EIF4G1: variants seen among roughly 807,000 people sequenced by gnomAD.
EIF4G1 encodes eukaryotic translation initiation factor 4 gamma 1.
In EIF4G1, 4 loss-of-function variants were observed where a neutral mutation model predicts 187.8. The observed-to-expected ratio is 0.02, with a 90% CI of 0.01 to 0.05. EIF4G1 has a LOEUF of 0.05. Ranked by LOEUF, EIF4G1 falls within the 10% of genes least tolerant of loss-of-function variation. The probability of loss-of-function intolerance (pLI) is 1.00; values close to 1 mark genes in which losing one functional copy is unlikely to be tolerated. For missense variants in EIF4G1, 1,647 were observed against 2,081.1 expected (o/e 0.79, Z 4.06); for synonymous variants, 844 against 781.4 (o/e 1.08, Z -1.34).
At chr3:184,330,793 G>A (rs774934494) in intron 28 of EIF4G1, among the ~76,000 whole-genome samples, 16 of 152,030 alleles carry the variant, frequency 1.1e-4, no homozygotes, top group Non-Finnish European at 2.1e-4. Context: ...CCAGGCTGGA[G>A]TGCAGTGGCG....
Position 184,323,683 on chromosome 3 carries a change from A to G in EIF4G1, c.2274+90A>G. 2 of 1,609,800 alleles carry G rather than the reference A, an allele frequency of 1.2e-6. No homozygotes were observed. The highest frequency in any genetic ancestry group is 1.1e-5 in the South Asian group (1 of 90,796). ...TTTGCTTCTTTTTGTCCTTATCACTAGCATCTGTCATGCCTAAGTCCCCAC... is the reference window on the plus strand; with the variant it reads ...TTTGCTTCTTTTTGTCCTTATCACTGGCATCTGTCATGCCTAAGTCCCCAC... On this transcript the variant is annotated intron_variant, in intron 15 of 32. Transcript: ENST00000346169. The surrounding 1 kb of genome is among the most constrained non-coding windows in gnomAD (Gnocchi z 6.9).
At position 184,331,437 on chromosome 3, in the gene EIF4G1, C is replaced by T. The variant is rs148779251; in HGVS notation, c.4261-35C>T. The T allele has an allele frequency of 1.4e-5, 22 of 1,614,182 alleles. No homozygotes were observed. In the African/African-American group the frequency reaches 2.1e-4, roughly 16 times the overall value. On this transcript the variant is annotated intron_variant, in intron 29 of 32. Transcript: ENST00000346169. The stretch of plus-strand genomic sequence containing the variant: ...CTTCTTTCTTGTCTCCTGTTGGCAA[C>T]CTTACCTCTTAACTGCGGGCCTTTT...
At position 184,331,522 on chromosome 3, in the gene EIF4G1, A is replaced by T; in HGVS notation, c.4311A>T (p.Ala1437=). ...GEESEAPGQR[A]LPSEELNRQL... The stretch of plus-strand genomic sequence containing the variant: ...AGTCGGAAGCCCCTGGCCAGAGGGC[A>T]CTCCCCTCCGAGGAGCTGAACAGGC... The change falls in exon 30 of 33, where the codon GCA becomes GCT. Residue 1437 remains alanine (A), a synonymous_variant. Transcript: ENST00000346169. 1 of 1,613,948 alleles carries T rather than the reference A, an allele frequency of 6.2e-7. No homozygotes were observed. The highest frequency in any genetic ancestry group is 8.5e-7 in the Non-Finnish European group (1 of 1,180,004).
rs1722608636 is a variant in EIF4G1, at chr3:184,315,516, C to T, written c.-64C>T. On this transcript the variant is annotated 5_prime_UTR_variant, in exon 2 of 33. Transcript: ENST00000346169. The stretch of plus-strand genomic sequence containing the variant: ...CCTCGGATGCCCAGAACCTGTAGGC[C>T]GCACCGTGGACTTGTTCTTAATCGA... 5.7e-6 allele frequency: 4 copies of T among 706,556 alleles called. No individual in the cohort carries two copies. Among genetic ancestry groups the T allele is most frequent in the Non-Finnish European group, 1.1e-5 (4 of 380,100 alleles). The allele number at this position is 706,556 out of a possible 1,614,324, so 43.8% of individuals were successfully genotyped here.
intron 30 of EIF4G1, 46 bp from the exon 31 acceptor site, chr3:184,331,682 A>G: frequency 1.2e-6 from 2 of 1,614,018 alleles, no homozygotes; most frequent in Non-Finnish European, 1.7e-6. Flanking sequence ...ATGAAGACTG[A>G]AGGGCCCAAT....
Position 184,321,433 on chromosome 3 carries a change from C to G in EIF4G1, c.849C>G (p.Leu283=), listed in dbSNP as rs530344643. The change falls in exon 10 of 33, where the codon CTC becomes CTG. Residue 283 remains leucine (L), a synonymous_variant. Coordinates refer to ENST00000346169, the MANE Select transcript of EIF4G1 (RefSeq NM_198241.3). ...EPGSEPNLAV[L]SIPGDTMTTI... Reference sequence around the variant, plus strand: ...GGTCTGAGCCTAATCTCGCAGTCCTCTCTATTCCTGGGGACACTATGACAA... The same window carrying G: ...GGTCTGAGCCTAATCTCGCAGTCCTGTCTATTCCTGGGGACACTATGACAA... The G allele has an allele frequency of 1.4e-5, 22 of 1,614,052 alleles. No homozygotes were observed. The highest frequency in any genetic ancestry group is 1.2e-5 in the Non-Finnish European group (14 of 1,180,040).
chr3:184,319,039 A>G (rs570829240), intron 6 of EIF4G1, among the ~76,000 whole-genome samples: 1 of 151,450 alleles, frequency 6.6e-6, no homozygotes, highest in South Asian at 2.1e-4. Context: ...GTGCCACTGT[A>G]TTCCAGCCTG....
Position 184,319,683 on chromosome 3 carries a change from C to A in EIF4G1, c.425-6C>A. 6.4e-7 allele frequency: 1 copy of A among 1,570,866 alleles called. No individual in the cohort carries two copies. ...CACCATTCTTCTCCGTCCCCCCTCC[C>A]CCAAGCTGGCGCCTACTATCCAGCC... On this transcript the variant is annotated splice_region_variant and splice_polypyrimidine_tract_variant and intron_variant, in intron 6 of 32. Coordinates refer to ENST00000346169, the MANE Select transcript of EIF4G1 (RefSeq NM_198241.3).
At chr3:184,318,857 A>T (rs540644439) in intron 6 of EIF4G1, among the ~76,000 whole-genome samples, 2 of 152,054 alleles carry the variant, frequency 1.3e-5, no homozygotes, top group Admixed American at 6.5e-5. Flanking sequence ...CACCTGCCTC[A>T]GCCTCCCAAA....
At chr3:184,319,519 C>A in intron 6 of EIF4G1, 170 bp from the exon 7 acceptor site, 1 of 609,378 alleles carries the variant, frequency 1.6e-6, no homozygotes. Flanking sequence ...AGACTGGTTC[C>A]CCAGCTTTGA....
In EIF4G1 at chr3:184,324,865, C is replaced by T. The variant is rs1397562414; in HGVS notation, c.2620-13C>T. 1.2e-6 allele frequency: 2 copies of T among 1,612,506 alleles called. No individual in the cohort carries two copies. Among genetic ancestry groups the T allele is most frequent in the Non-Finnish European group, 1.7e-6 (2 of 1,179,684 alleles). On this transcript the variant is annotated splice_polypyrimidine_tract_variant and intron_variant, in intron 17 of 32. Coordinates refer to ENST00000346169, the MANE Select transcript of EIF4G1 (RefSeq NM_198241.3). Reference sequence around the variant, plus strand: ...TTATCTTTTTGACACAATCCCTGTCCTGTGAATGGCAGGCAGAGGAACGAG... The same window carrying T: ...TTATCTTTTTGACACAATCCCTGTCTTGTGAATGGCAGGCAGAGGAACGAG...
In EIF4G1 at chr3:184,317,769, C is replaced by G; in HGVS notation, c.377C>G (p.Ala126Gly). The G allele has an allele frequency of 1.9e-6, 3 of 1,614,152 alleles. No individual in the cohort carries two copies. The South Asian group carries it at 3.3e-5, about 18-fold the overall frequency. Residue 126 changes from alanine (A) to glycine (G), a missense_variant, in exon 6 of 33, where the codon GCC becomes GGC. By Grantham distance (60) the Ala-to-Gly change is moderately conservative (BLOSUM62 0). This residue lies in a region of EIF4G1 where 139 missense variants were observed against 187.3 expected (regional missense o/e 0.74). Coordinates refer to ENST00000346169, the MANE Select transcript of EIF4G1 (RefSeq NM_198241.3). ...CAGCAGTACCCTGTGCAGCCAGGAGCCCCAGGCTTCTATCCAGGTGCAAGC... is the reference window on the plus strand; with the variant it reads ...CAGCAGTACCCTGTGCAGCCAGGAGGCCCAGGCTTCTATCCAGGTGCAAGC... Reference protein sequence around the residue: ...PTQQYPVQPGAPGFYPGASPT... With the variant: ...PTQQYPVQPGGPGFYPGASPT...
At position 184,327,936 on chromosome 3, in the gene EIF4G1, A is replaced by G; in HGVS notation, c.3887A>G (p.His1296Arg). The stretch of plus-strand genomic sequence containing the variant: ...GAGCGCAGTGCCATTGCTCGTGAGC[A>G]TATGGGGCAGCTGCTGCACCAGCTG... Reference protein sequence around the residue: ...TLERSAIAREHMGQLLHQLLC... With the variant: ...TLERSAIARERMGQLLHQLLC... Residue 1296 changes from histidine to arginine, a missense_variant, in exon 26 of 33, where the codon CAT becomes CGT. Transcript: ENST00000346169. The G allele has an allele frequency of 2.5e-6, 4 of 1,612,514 alleles. No homozygotes were observed. The highest frequency in any genetic ancestry group is 1.3e-5 in the African/African-American group (1 of 75,064).
At chr3:184,329,314 C>T (rs111967660) in intron 28 of EIF4G1, among the ~76,000 whole-genome samples, 1 of 152,098 alleles carries the variant, frequency 6.6e-6, no homozygotes, top group African/African-American at 2.4e-5. Flanking sequence ...ATGAATAAAA[C>T]ACAAGAAACA....
chr3:184,325,783 G>T lies in EIF4G1; in HGVS notation c.3122-68G>T, dbSNP rs1724771729. The stretch of plus-strand genomic sequence containing the variant: ...GAGGATCTGAGGAAGGGAGGCTGGG[G>T]GTGGCCCAAGGGGAAGGGGCTGCTA... On this transcript the variant is annotated intron_variant, in intron 20 of 32. Transcript: ENST00000346169. This position sits in a 1 kb window ranked among gnomAD's most constrained non-coding sequence, Gnocchi z 5.2. 3 of 1,611,554 alleles carry T rather than the reference G, an allele frequency of 1.9e-6. No homozygotes were observed. The highest frequency in any genetic ancestry group is 1.3e-5 in the African/African-American group (1 of 74,874).
Position 184,315,604 on chromosome 3 carries a change from C to T in EIF4G1, c.-35+59C>T, listed in dbSNP as rs567653489. On this transcript the variant is annotated intron_variant, in intron 2 of 32. Coordinates refer to ENST00000346169, the MANE Select transcript of EIF4G1 (RefSeq NM_198241.3). ...TTGGTTGGAAGTGATGCGGGTTTGA[C>T]AGCATGTTGGTGGGGACAGGCTGTA... 1.4e-5 allele frequency: 11 copies of T among 771,536 alleles called. No individual in the cohort carries two copies. In the African/African-American group the frequency reaches 1.7e-4, roughly 12 times the overall value. 47.8% of individuals were successfully genotyped at this position (771,536 alleles called of 1,614,324 possible). A position where few individuals can be genotyped will look rare whatever the true frequency, so the allele number is the denominator to read the frequency against.
chr3:184,331,852 CAG>C (rs756528305), intron 31 of EIF4G1, 43 bp downstream of exon 31: 1 of 1,614,056 alleles, frequency 6.2e-7, no homozygotes, highest in Non-Finnish European at 8.5e-7. Context: ...GTGGGCCTGA[CAG>C]ACAAGTGGAG....
chr3:184,321,075 C>A lies in EIF4G1; in HGVS notation c.697+82C>A, dbSNP rs575938275. The A allele has an allele frequency of 1.4e-4, 216 of 1,550,672 alleles. 1 individual carries two copies. In the East Asian group the frequency reaches 4.2e-3, roughly 30 times the overall value. ...TGCTGAGGTGGTGGAGTGACTTGAACTGGGTACCAGAGAATGATGACTTAG... is the reference window on the plus strand; with the variant it reads ...TGCTGAGGTGGTGGAGTGACTTGAAATGGGTACCAGAGAATGATGACTTAG... On this transcript the variant is annotated intron_variant, in intron 9 of 32. Transcript: ENST00000346169.
At position 184,331,721 on chromosome 3, in the gene EIF4G1, C is replaced by T; in HGVS notation, c.4396-7C>T. 1 of 1,614,176 alleles carries T rather than the reference C, an allele frequency of 6.2e-7. No individual in the cohort carries two copies. Among genetic ancestry groups the T allele is most frequent in the South Asian group, 1.1e-5 (1 of 91,084 alleles). On this transcript the variant is annotated splice_polypyrimidine_tract_variant and splice_region_variant and intron_variant, in intron 30 of 32. Transcript: ENST00000346169. ...GAATCTGGGGATCATTTGTTTCTCCCATACAGGCCAACCTGAGTGAGCAGC... is the reference window on the plus strand; with the variant it reads ...GAATCTGGGGATCATTTGTTTCTCCTATACAGGCCAACCTGAGTGAGCAGC...
Sources: gnomAD v4.1 joint callset for allele counts (sites outside exome capture counted in the v4.1 genomes callset) on GRCh38, gnomAD v4.1.1 for gene constraint, gnomAD v4.1.1 regional missense constraint, Gnocchi (gnomAD v3.1) non-coding constraint, MANE v1.5 for transcripts, NCBI Gene and HGNC (gene_info 2026-07-23, HGNC 2026-07-21) for gene names.